Variants in COG5 observed in about 807,000 individuals in gnomAD.
COG5 encodes the protein component of oligomeric golgi complex 5.
Under a neutral mutation model 110.4 loss-of-function variants are expected in COG5, and 86 were observed. That is an observed-to-expected ratio of 0.78 (90% CI 0.65 to 0.93). The LOEUF is 0.93. Ranked by LOEUF, COG5 falls within the 40% of genes least tolerant of loss-of-function variation. The pLI, the probability that COG5 is intolerant of heterozygous loss-of-function variation, is 0.00. For synonymous variants in COG5, 360 were observed against 334.6 expected (o/e 1.08, Z -0.83); for missense variants, 1,077 against 987.0 (o/e 1.09, Z -1.22).
chr7:107,474,424 G>A lies in COG5; in HGVS notation c.538+52813C>T. On this transcript the variant is annotated intron_variant, in intron 6 of 21. Coordinates refer to ENST00000297135, the MANE Select transcript of COG5 (RefSeq NM_006348.5). This position sits in a 1 kb window ranked among gnomAD's most constrained non-coding sequence, Gnocchi z 5.7. ...CATTTGCTGTTTCCATGAGGCTTGT[G>A]TATCTTTTGCAAGTGTCTCAACAGC... 2 of 1,613,140 alleles carry A rather than the reference G, an allele frequency of 1.2e-6. No individual in the cohort carries two copies. Among genetic ancestry groups the A allele is most frequent in the Non-Finnish European group, 1.7e-6 (2 of 1,179,344 alleles).
chr7:107,518,541 C>T (rs977299816), intron 6 of COG5, among the ~76,000 whole-genome samples: 1 of 151,916 alleles, frequency 6.6e-6, no homozygotes, highest in African/African-American at 2.4e-5. Context: ...TTTAAACCAA[C>T]AAAGATCAAA....
chr7:107,507,792 G>A (rs1024116911), intron 6 of COG5, among the ~76,000 whole-genome samples: 10 of 152,048 alleles, frequency 6.6e-5, no homozygotes, highest in African/African-American at 2.4e-4. Flanking sequence ...AAATATCATA[G>A]CTACAATAAG....
intron 11 of COG5, among the ~76,000 whole-genome samples, chr7:107,315,706 G>C (rs1306796061): frequency 6.6e-6 from 1 of 151,954 alleles, no homozygotes; most frequent in Non-Finnish European, 1.5e-5. Flanking sequence ...CCTCAACTCT[G>C]CAGATGGTTG....
chr7:107,289,096 G>A (rs1184103313), intron 12 of COG5, among the ~76,000 whole-genome samples: 1 of 151,024 alleles, frequency 6.6e-6, no homozygotes. Context: ...AAAGTGCTGG[G>A]AATTACAGGC....
chr7:107,272,775 G>A (rs993164170), intron 14 of COG5, among the ~76,000 whole-genome samples: 3 of 152,074 alleles, frequency 2.0e-5, no homozygotes, highest in African/African-American at 4.8e-5. Flanking sequence ...CCATTACAGC[G>A]AGAATCTTTC....
chr7:107,423,211 C>A (rs117026964), intron 6 of COG5, among the ~76,000 whole-genome samples: 22,325 of 149,494 alleles, frequency 0.15, 1,820 homozygotes, highest in Non-Finnish European at 0.19. Flanking sequence ...ATAAACCACA[C>A]TTTTATATTT....
At chr7:107,259,380 G>A (rs1210829288) in intron 14 of COG5, among the ~76,000 whole-genome samples, 2 of 152,086 alleles carry the variant, frequency 1.3e-5, no homozygotes, top group Non-Finnish European at 2.9e-5. Flanking sequence ...ACCTTAAAAA[G>A]ATAATGCTTA....
At chr7:107,507,850 A>G (rs1338913769) in intron 6 of COG5, among the ~76,000 whole-genome samples, 1 of 152,228 alleles carries the variant, frequency 6.6e-6, no homozygotes, top group Non-Finnish European at 1.5e-5. Flanking sequence ...CTTCCACAAT[A>G]AATGTATCAT....
At chr7:107,247,110 T>C (rs988432160) in intron 17 of COG5, among the ~76,000 whole-genome samples, 5 of 152,258 alleles carry the variant, frequency 3.3e-5, no homozygotes, top group African/African-American at 7.2e-5. Flanking sequence ...CAGCAACCTA[T>C]TGCAGGAACA....
intron 11 of COG5, among the ~76,000 whole-genome samples, chr7:107,317,919 T>C (rs919565336): frequency 7.9e-5 from 12 of 152,246 alleles, no homozygotes; most frequent in Non-Finnish European, 1.6e-4. Context: ...GTTTACCTTC[T>C]ACGATTTTAC....
At chr7:107,272,251 G>C (rs1285558471) in intron 14 of COG5, among the ~76,000 whole-genome samples, 2 of 152,186 alleles carry the variant, frequency 1.3e-5, no homozygotes, top group East Asian at 3.9e-4. Context: ...ATGTATATCT[G>C]ATTGTCTCCT....
At chr7:107,498,020 A>T (rs557476564) in intron 6 of COG5, among the ~76,000 whole-genome samples, 9 of 152,330 alleles carry the variant, frequency 5.9e-5, no homozygotes, top group African/African-American at 1.9e-4. Context: ...GGGTGCCATG[A>T]ATACACAAGG....
intron 21 of COG5, chr7:107,208,004 G>A (rs995614757): frequency 2.0e-6 from 2 of 985,278 alleles, no homozygotes; most frequent in Non-Finnish European, 1.2e-6. Flanking sequence ...CATTTAAAGA[G>A]CAATACTCAC....
At chr7:107,545,564 G>A (rs532783465) in intron 5 of COG5, among the ~76,000 whole-genome samples, 28 of 152,140 alleles carry the variant, frequency 1.8e-4, no homozygotes, top group African/African-American at 6.3e-4. Flanking sequence ...CAGATCACCC[G>A]AGGTCAGGAG....
chr7:107,456,624 G>C (rs1404980392), intron 6 of COG5, among the ~76,000 whole-genome samples: 1 of 152,098 alleles, frequency 6.6e-6, no homozygotes, highest in African/African-American at 2.4e-5. Context: ...ACAGAAAAAA[G>C]GTAAGCTAAG....
At chr7:107,318,052 A>G (rs986664649) in intron 11 of COG5, among the ~76,000 whole-genome samples, 3 of 151,990 alleles carry the variant, frequency 2.0e-5, no homozygotes, top group Admixed American at 6.6e-5. Flanking sequence ...TTTTTGATAC[A>G]GAGGTTCGCT....
intron 5 of COG5, among the ~76,000 whole-genome samples, chr7:107,534,320 T>C (rs1439627269): frequency 6.6e-6 from 1 of 151,544 alleles, no homozygotes; most frequent in Non-Finnish European, 1.5e-5. Context: ...ATAACAATAT[T>C]AATCCTAAAT....
chr7:107,426,477 GA>G (rs1156370143), intron 6 of COG5, among the ~76,000 whole-genome samples: 1 of 152,182 alleles, frequency 6.6e-6, no homozygotes, highest in Non-Finnish European at 1.5e-5. Context: ...CTGGAAGCTG[GA>G]AGTTCAAGAT....
At chr7:107,558,163 A>C (rs1211960502) in intron 1 of COG5, 48 bp from the exon 2 acceptor site, 4 of 1,576,978 alleles carry the variant, frequency 2.5e-6, no homozygotes, top group Non-Finnish European at 3.5e-6. Context: ...CCCTGTACTA[A>C]ACCAGTTATT....
Sources: gnomAD v4.1 joint callset for allele counts (sites outside exome capture counted in the v4.1 genomes callset) on GRCh38, gnomAD v4.1.1 for gene constraint, Gnocchi (gnomAD v3.1) non-coding constraint, MANE v1.5 for transcripts, NCBI Gene and HGNC (gene_info 2026-07-23, HGNC 2026-07-21) for gene names.